NDUFS4: variants seen among roughly 807,000 people sequenced by gnomAD.
NDUFS4 encodes NADH dehydrogenase [ubiquinone] iron-sulfur protein 4, mitochondrial.
In NDUFS4, 28 loss-of-function variants were observed where a neutral mutation model predicts 24.3. The observed-to-expected ratio is 1.15, with a 90% CI of 0.85 to 1.58. The LOEUF is 1.58. Among genes scored for constraint, NDUFS4 ranks in the 40% most tolerant of loss-of-function variants. The pLI, the probability that NDUFS4 is intolerant of heterozygous loss-of-function variation, is 0.00. For synonymous variants in NDUFS4, 93 were observed against 69.7 expected (o/e 1.34, Z -1.67); for missense variants, 223 against 207.9 (o/e 1.07, Z -0.45).
intron 1 of NDUFS4, among the ~76,000 whole-genome samples, chr5:53,587,115 C>A (rs1749783736): frequency 6.6e-6 from 1 of 152,072 alleles, no homozygotes; most frequent in African/African-American, 2.4e-5. Flanking sequence ...TGAACCATTG[C>A]ACCCGGCCGA....
At chr5:53,635,741 A>G (rs1751533418) in intron 2 of NDUFS4, among the ~76,000 whole-genome samples, 1 of 152,164 alleles carries the variant, frequency 6.6e-6, no homozygotes, top group Non-Finnish European at 1.5e-5. Flanking sequence ...ATATTTTTCA[A>G]CGATTTCAGT....
At chr5:53,575,268 G>T (rs2112419758) in intron 1 of NDUFS4, among the ~76,000 whole-genome samples, 1 of 152,238 alleles carries the variant, frequency 6.6e-6, no homozygotes, top group East Asian at 1.9e-4. Context: ...GGTCCTTTGA[G>T]TTCTGATGAT....
chr5:53,657,120 G>C, intron 3 of NDUFS4, among the ~76,000 whole-genome samples: 1 of 152,104 alleles, frequency 6.6e-6, no homozygotes. Context: ...CCTGGCTTCT[G>C]TCTTGTTTCT....
intron 2 of NDUFS4, among the ~76,000 whole-genome samples, chr5:53,632,137 C>A (rs1751428325): frequency 6.6e-6 from 1 of 152,198 alleles, no homozygotes; most frequent in Non-Finnish European, 1.5e-5. Context: ...GAGCTGCAGA[C>A]CAGAGCAGTT....
chr5:53,612,197 G>A (rs1750717136), intron 2 of NDUFS4, among the ~76,000 whole-genome samples: 1 of 151,556 alleles, frequency 6.6e-6, no homozygotes, highest in Admixed American at 6.6e-5. Context: ...TTCATTCTTT[G>A]TTTATTTATT....
intron 1 of NDUFS4, among the ~76,000 whole-genome samples, chr5:53,563,370 C>G (rs530992840): frequency 2.6e-5 from 4 of 151,802 alleles, no homozygotes; most frequent in Admixed American, 2.6e-4. Flanking sequence ...GAGAAAAAAT[C>G]TAGTAATGTG....
intron 3 of NDUFS4, 138 bp downstream of exon 3, chr5:53,646,543 C>A: frequency 1.2e-6 from 1 of 816,640 alleles, no homozygotes; most frequent in Non-Finnish European, 2.0e-6. Flanking sequence ...TACCACTGTG[C>A]TCAAAGATAC....
intron 3 of NDUFS4, among the ~76,000 whole-genome samples, chr5:53,653,263 T>C (rs746300030): frequency 6.6e-6 from 1 of 152,200 alleles, no homozygotes; most frequent in East Asian, 1.9e-4. Flanking sequence ...TAAGCAGACA[T>C]GTGCACAAAC....
At chr5:53,582,583 C>T (rs1001367641) in intron 1 of NDUFS4, among the ~76,000 whole-genome samples, 4 of 152,140 alleles carry the variant, frequency 2.6e-5, no homozygotes, top group Non-Finnish European at 5.9e-5. Context: ...TATCCCTGGC[C>T]GGGAATTAAT....
intron 4 of NDUFS4, among the ~76,000 whole-genome samples, chr5:53,664,664 C>T (rs1050999142): frequency 2.0e-5 from 3 of 152,090 alleles, no homozygotes; most frequent in Non-Finnish European, 4.4e-5. Flanking sequence ...GTTCTTGTTC[C>T]GTGGTTTTCA....
intron 1 of NDUFS4, among the ~76,000 whole-genome samples, chr5:53,585,553 C>T (rs1749721855): frequency 6.6e-6 from 1 of 151,926 alleles, no homozygotes; most frequent in African/African-American, 2.4e-5. Flanking sequence ...CGAGACCAGC[C>T]TCAACATGGA....
At chr5:53,609,677 T>A (rs1750638914) in intron 2 of NDUFS4, among the ~76,000 whole-genome samples, 2 of 152,222 alleles carry the variant, frequency 1.3e-5, no homozygotes. Flanking sequence ...GATACAAGGC[T>A]GTACATTGAA....
chr5:53,563,184 G>A (rs983244314), intron 1 of NDUFS4, among the ~76,000 whole-genome samples: 8 of 148,706 alleles, frequency 5.4e-5, no homozygotes, highest in African/African-American at 7.5e-5. Flanking sequence ...AGTCAAGATC[G>A]CGCCACTGCA....
chr5:53,650,173 A>C (rs1751977307), intron 3 of NDUFS4, among the ~76,000 whole-genome samples: 1 of 152,202 alleles, frequency 6.6e-6, no homozygotes, highest in Non-Finnish European at 1.5e-5. Context: ...ATTCCCAGCA[A>C]CATTCAGTAA....
intron 3 of NDUFS4, among the ~76,000 whole-genome samples, chr5:53,651,614 A>G (rs1441122519): frequency 6.6e-6 from 1 of 151,988 alleles, no homozygotes; most frequent in Non-Finnish European, 1.5e-5. Flanking sequence ...TTAATGGAGC[A>G]AAGAGAATGT....
intron 2 of NDUFS4, among the ~76,000 whole-genome samples, chr5:53,619,915 C>T (rs72753636): frequency 0.093 from 14,069 of 152,078 alleles, 787 homozygotes; most frequent in Non-Finnish European, 0.13. Context: ...TGCAACTATA[C>T]GCAATGCTAG....
At position 53,560,904 on chromosome 5, in the gene NDUFS4, C is replaced by CT. The variant is rs1263108948; in HGVS notation, c.98+145dup. 6.6e-6 allele frequency: 10 copies of CT among 1,524,678 alleles called. No individual in the cohort carries two copies. In the East Asian group the frequency reaches 2.2e-4, roughly 33 times the overall value. 94.4% of individuals were successfully genotyped at this position (1,524,678 alleles called of 1,614,324 possible). A position where few individuals can be genotyped will look rare whatever the true frequency, so the allele number is the denominator to read the frequency against. ...CGGGAGAAGTCGGGCGGACTAGGGA[C>CT]TGTCTGCTATCAATGGGCGTTGGCC... is the stretch of plus-strand genomic sequence containing the variant. On this transcript the variant is annotated intron_variant, in intron 1 of 4. Coordinates refer to ENST00000296684, the MANE Select transcript of NDUFS4 (RefSeq NM_002495.4).
intron 1 of NDUFS4, among the ~76,000 whole-genome samples, chr5:53,563,701 C>T (rs947552561): frequency 1.3e-5 from 2 of 152,006 alleles, no homozygotes; most frequent in African/African-American, 2.4e-5. Context: ...GGAGTTTCAC[C>T]GTGTTAGCCA....
At chr5:53,647,553 C>A (rs1388635790) in intron 3 of NDUFS4, among the ~76,000 whole-genome samples, 1 of 152,114 alleles carries the variant, frequency 6.6e-6, no homozygotes, top group Non-Finnish European at 1.5e-5. Flanking sequence ...GGAATAAATT[C>A]TTGTGGTACT....
Sources: gnomAD v4.1 joint callset for allele counts (sites outside exome capture counted in the v4.1 genomes callset) on GRCh38, gnomAD v4.1.1 for gene constraint, MANE v1.5 for transcripts, NCBI Gene and HGNC (gene_info 2026-07-23, HGNC 2026-07-21) for gene names.